SYNPO2: variants seen among roughly 807,000 people sequenced by gnomAD.
SYNPO2 encodes synaptopodin 2, also known as synaptopodin-2.
SYNPO2 carries 56 observed loss-of-function variants against 85.0 expected under a neutral mutation model. The observed-to-expected ratio is 0.66, with a 90% CI of 0.53 to 0.82. The LOEUF (loss-of-function observed/expected upper bound fraction) is 0.82. Ranked by LOEUF, SYNPO2 falls within the 40% of genes least tolerant of loss-of-function variation. The pLI is 0.00. For missense variants in SYNPO2, 1,575 were observed against 1,534.2 expected, an observed-to-expected ratio of 1.03 and a Z score of -0.44; for synonymous variants, 602 against 591.1, an observed-to-expected ratio of 1.02 and a Z score of -0.27.
At chr4:118,986,989 C>G (rs1464399536) in intron 1 of SYNPO2, among the ~76,000 whole-genome samples, 1 of 152,158 alleles carries the variant, frequency 6.6e-6, no homozygotes, top group Non-Finnish European at 1.5e-5. Flanking sequence ...TGTTATATGT[C>G]TCACTCAATA....
chr4:119,003,384 G>A (rs1312354754), intron 1 of SYNPO2, among the ~76,000 whole-genome samples: 2 of 152,120 alleles, frequency 1.3e-5, no homozygotes, highest in Non-Finnish European at 2.9e-5. Flanking sequence ...TCCCTCCCTT[G>A]ACACGTGGGG....
intron 4 of SYNPO2, among the ~76,000 whole-genome samples, chr4:119,052,233 A>G (rs1323172156): frequency 6.6e-6 from 1 of 152,198 alleles, no homozygotes; most frequent in East Asian, 1.9e-4. Flanking sequence ...GGACCAGGCC[A>G]GTCCAGGCTA....
At position 119,023,599 on chromosome 4, in the gene SYNPO2, G is replaced by C; in HGVS notation, c.257+18G>C. On this transcript the variant is annotated intron_variant, in intron 2 of 4. Transcript: ENST00000307142. Reference sequence around the variant, plus strand: ...ATCAAAAGGTACAACAGATTTGCTGGAATATGTATTTTCTCTTGAAGCTAC... The same window carrying C: ...ATCAAAAGGTACAACAGATTTGCTGCAATATGTATTTTCTCTTGAAGCTAC... The C allele has an allele frequency of 6.2e-7, 1 of 1,603,290 alleles. No homozygotes were observed. The highest frequency in any genetic ancestry group is 8.5e-7 in the Non-Finnish European group (1 of 1,174,172).
At chr4:118,878,993 C>T (rs1366579188) in intron 1 of SYNPO2, among the ~76,000 whole-genome samples, 4 of 152,154 alleles carry the variant, frequency 2.6e-5, no homozygotes, top group Admixed American at 6.5e-5. Flanking sequence ...TGGCTTCACT[C>T]CTGAAGTCAG....
At chr4:118,886,338 A>G (rs1352270073), upstream of SYNPO2, among the ~76,000 whole-genome samples, 3 of 152,172 alleles carry the variant, frequency 2.0e-5, no homozygotes, top group Non-Finnish European at 4.4e-5. Flanking sequence ...TGCTGCACCT[A>G]TCAACCCGTC....
intron 1 of SYNPO2, among the ~76,000 whole-genome samples, chr4:119,009,484 A>G (rs1007817795): frequency 9.9e-5 from 15 of 152,204 alleles, no homozygotes; most frequent in Admixed American, 8.5e-4. Context: ...CTTGTAGGAA[A>G]GTCACTCAGG....
intron 1 of SYNPO2, among the ~76,000 whole-genome samples, chr4:118,942,343 A>T (rs766943948): frequency 4.6e-5 from 7 of 152,186 alleles, no homozygotes; most frequent in Non-Finnish European, 7.3e-5. Flanking sequence ...CTTGTTCACC[A>T]CTGTAACCCC....
chr4:118,975,334 A>G (rs190366738), intron 1 of SYNPO2, among the ~76,000 whole-genome samples: 30 of 152,336 alleles, frequency 2.0e-4, no homozygotes, highest in Admixed American at 7.2e-4. Context: ...TTGGGCACCT[A>G]TGGCAACAGA....
At chr4:118,959,943 A>T (rs192763753) in intron 1 of SYNPO2, among the ~76,000 whole-genome samples, 5 of 152,276 alleles carry the variant, frequency 3.3e-5, no homozygotes, top group African/African-American at 1.2e-4. Flanking sequence ...TTAATTAAGG[A>T]ACTTGCGCTG....
chr4:119,031,013 G>A lies in SYNPO2; in HGVS notation c.2238G>A (p.Met746Ile). The change falls in exon 4 of 5, where the codon ATG becomes ATA. Residue 746 changes from methionine to isoleucine, a missense_variant. Around this residue, in one of 3 missense-constraint regions of SYNPO2, gnomAD observed 1,508 missense variants for 1,446.8 expected, o/e 1.04. Transcript: ENST00000307142. ...TGGGGGCAGAGGCTTGTAATTTCATGCAAAGCTCCTCTGCCAAACAAAAGA... is the reference window on the plus strand; with the variant it reads ...TGGGGGCAGAGGCTTGTAATTTCATACAAAGCTCCTCTGCCAAACAAAAGA... ...LSLGAEACNF[M>I]QSSSAKQKTP... is the part of the protein sequence containing the mutation. 2 of 1,614,070 alleles carry A rather than the reference G, an allele frequency of 1.2e-6. No homozygotes were observed. Among genetic ancestry groups the A allele is most frequent in the Non-Finnish European group, 1.7e-6 (2 of 1,179,986 alleles).
intron 1 of SYNPO2, among the ~76,000 whole-genome samples, chr4:118,860,436 G>T (rs1302409691): frequency 6.6e-6 from 1 of 152,044 alleles, no homozygotes; most frequent in African/African-American, 2.4e-5. Flanking sequence ...TAGAGATGGG[G>T]TTTTGCCATG....
intron 1 of SYNPO2, among the ~76,000 whole-genome samples, chr4:119,019,334 A>G (rs914136920): frequency 2.0e-5 from 3 of 152,186 alleles, no homozygotes; most frequent in African/African-American, 7.2e-5. Context: ...GAGATACTGA[A>G]AAAGAATACA....
At chr4:118,885,266 T>A (rs1732178057), upstream of SYNPO2, among the ~76,000 whole-genome samples, 1 of 152,082 alleles carries the variant, frequency 6.6e-6, no homozygotes, top group Admixed American at 6.6e-5. Flanking sequence ...ATTTGAACTA[T>A]AGGAAAAATA....
At chr4:118,962,203 A>G (rs146438352) in intron 1 of SYNPO2, among the ~76,000 whole-genome samples, 2 of 152,316 alleles carry the variant, frequency 1.3e-5, no homozygotes, top group East Asian at 3.9e-4. Flanking sequence ...GGAGCTGTCA[A>G]AGGAAATAGA....
intron 1 of SYNPO2, among the ~76,000 whole-genome samples, chr4:118,977,007 G>A (rs4336210): frequency 1.3e-5 from 2 of 152,246 alleles, no homozygotes; most frequent in Admixed American, 6.5e-5. Context: ...CCCGCACCGG[G>A]GCTGCAGCTG....
intron 1 of SYNPO2, among the ~76,000 whole-genome samples, chr4:118,919,579 G>C (rs1268290396): frequency 6.6e-6 from 1 of 152,150 alleles, no homozygotes; most frequent in Non-Finnish European, 1.5e-5. Context: ...AGTCAAATAT[G>C]TGACCCAATT....
intron 1 of SYNPO2, among the ~76,000 whole-genome samples, chr4:118,883,632 A>G (rs1422545341): frequency 6.6e-6 from 1 of 152,234 alleles, no homozygotes; most frequent in Non-Finnish European, 1.5e-5. Flanking sequence ...TAGATTTAAC[A>G]TAGAATTAGA....
At position 119,004,548 on chromosome 4, in the gene SYNPO2, A is replaced by C. The variant is rs558482594; in HGVS notation, c.106-18882A>C. Among the ~76,000 whole-genome samples, 3 of 149,868 alleles carry C rather than the reference A, an allele frequency of 2.0e-5. No homozygotes were observed. The East Asian group carries it at 5.9e-4, about 29-fold the overall frequency. ...AGCTTCATCCATGTCCCTACAAACG[A>C]CATAAACTCATCATTTTTTATGGCT... is the stretch of plus-strand genomic sequence containing the variant. On this transcript the variant is annotated intron_variant, in intron 1 of 4. Coordinates refer to ENST00000307142, the MANE Select transcript of SYNPO2 (RefSeq NM_133477.3).
chr4:119,011,285 C>T (rs1737291845), intron 1 of SYNPO2, among the ~76,000 whole-genome samples: 1 of 152,220 alleles, frequency 6.6e-6, no homozygotes, highest in Admixed American at 6.5e-5. Context: ...CAGCGCCTCA[C>T]TCTACTTCGA....
Sources: gnomAD v4.1 joint callset for allele counts (sites outside exome capture counted in the v4.1 genomes callset) on GRCh38, gnomAD v4.1.1 for gene constraint, gnomAD v4.1.1 regional missense constraint, MANE v1.5 for transcripts, NCBI Gene and HGNC (gene_info 2026-07-23, HGNC 2026-07-21) for gene names.